The following CACNA1C variants were observed in gnomAD, a reference collection of about 807,000 sequenced individuals.
The protein encoded by CACNA1C is calcium voltage-gated channel subunit alpha1 C.
A neutral mutation model predicts 229.0 loss-of-function variants in CACNA1C; 30 were observed. The ratio of observed to expected loss-of-function variants is 0.13; its 90% CI spans 0.10 to 0.18. The LOEUF (loss-of-function observed/expected upper bound fraction) is 0.18, where lower values mean the gene tolerates loss of function less well. Among genes scored for constraint, CACNA1C ranks in the 10% least tolerant of loss-of-function variants. The pLI is 1.00. For synonymous variants in CACNA1C, 1,114 were observed against 1,132.5 expected (o/e 0.98, Z 0.33); for missense variants, 1,658 against 2,845.0 (o/e 0.58, Z 9.49).
At chr12:2,625,927 C>T (rs1364439763) in intron 29 of CACNA1C, among the ~76,000 whole-genome samples, 1 of 152,118 alleles carries the variant, frequency 6.6e-6, no homozygotes, top group Non-Finnish European at 1.5e-5. Flanking sequence ...CACTGCACTC[C>T]AGCCTGGATG....
At chr12:2,650,524 G>C (rs2094842589) in intron 31 of CACNA1C, among the ~76,000 whole-genome samples, 1 of 152,156 alleles carries the variant, frequency 6.6e-6, no homozygotes, top group Non-Finnish European at 1.5e-5. Context: ...CCGCAGGTCT[G>C]GGTGAGCTGC....
intron 3 of CACNA1C, among the ~76,000 whole-genome samples, chr12:2,369,870 A>G (rs2097813967): frequency 1.3e-5 from 2 of 152,216 alleles, no homozygotes; most frequent in African/African-American, 2.4e-5. Context: ...CACAAAAGAA[A>G]AGACTGAGAT....
At chr12:2,472,487 ATTCTCTATAT>A (rs1333812829) in intron 5 of CACNA1C, among the ~76,000 whole-genome samples, 2 of 152,036 alleles carry the variant, frequency 1.3e-5, no homozygotes, top group South Asian at 2.1e-4. Flanking sequence ...TATTTGTGGA[ATTCTCTATAT>A]TTCTCCCTTT....
At chr12:2,641,693 A>G (rs1296318867) in intron 30 of CACNA1C, 1 of 702,342 alleles carries the variant, frequency 1.4e-6, no homozygotes. Flanking sequence ...TGCCCTTCTA[A>G]TAGATCATTG....
chr12:2,652,452 G>A (rs1022794431), intron 32 of CACNA1C, among the ~76,000 whole-genome samples: 3 of 152,236 alleles, frequency 2.0e-5, no homozygotes, highest in Non-Finnish European at 4.4e-5. Context: ...TCCCCCAGAT[G>A]AGCGCAGAAC....
intron 3 of CACNA1C, among the ~76,000 whole-genome samples, chr12:2,351,366 C>T (rs2097197663): frequency 1.3e-5 from 2 of 152,192 alleles, no homozygotes; most frequent in Admixed American, 6.5e-5. Flanking sequence ...CCCCAGCCTC[C>T]GATGGCCATT....
chr12:2,085,910 G>A (rs952873306), intron 1 of CACNA1C, among the ~76,000 whole-genome samples: 1 of 152,134 alleles, frequency 6.6e-6, no homozygotes, highest in Non-Finnish European at 1.5e-5. Flanking sequence ...CCCAACTGCA[G>A]CATGTAAATT....
chr12:2,125,581 C>G (rs961294017), intron 3 of CACNA1C, among the ~76,000 whole-genome samples: 23 of 152,120 alleles, frequency 1.5e-4, no homozygotes, highest in Non-Finnish European at 3.4e-4. Flanking sequence ...AAGCAGGTGG[C>G]TCTCAACCCC....
At chr12:2,219,886 G>A (rs1476387946) in intron 3 of CACNA1C, among the ~76,000 whole-genome samples, 1 of 152,170 alleles carries the variant, frequency 6.6e-6, no homozygotes. Flanking sequence ...GAGGCCTGGT[G>A]ACCTAGGCAG....
chr12:2,067,484 G>GCA lies in CACNA1C; in HGVS notation c.49+13874_49+13875insAC, dbSNP rs2059789107. On this transcript the variant is annotated intron_variant, in intron 1 of 46. Transcript: ENST00000399655. This position sits in a 1 kb window ranked among gnomAD's most constrained non-coding sequence, Gnocchi z 5.3. ...TGTGTGTGTGTGTGTGTGTGTGTGC[G>GCA]CGCGTGTGCGTGCCTGTATGTAAGG... Among the ~76,000 whole-genome samples, 21 of 147,036 alleles carry GCA rather than the reference G, an allele frequency of 1.4e-4. No individual in the cohort carries two copies. Among genetic ancestry groups the GCA allele is most frequent in the South Asian group, 2.1e-4 (1 of 4,764 alleles).
chr12:2,417,416 TA>T (rs1162901317), intron 3 of CACNA1C, among the ~76,000 whole-genome samples: 1 of 152,186 alleles, frequency 6.6e-6, no homozygotes, highest in African/African-American at 2.4e-5. Flanking sequence ...TGGGTGCTTT[TA>T]AAAACGCTAA....
At chr12:2,669,858 C>G (rs987002334) in intron 38 of CACNA1C, among the ~76,000 whole-genome samples, 1 of 152,196 alleles carries the variant, frequency 6.6e-6, no homozygotes, top group African/African-American at 2.4e-5. Context: ...CTAGTTTTCA[C>G]AAGGCACCCT....
intron 3 of CACNA1C, among the ~76,000 whole-genome samples, chr12:2,428,049 A>G (rs1336260704): frequency 6.6e-6 from 1 of 152,226 alleles, no homozygotes; most frequent in Non-Finnish European, 1.5e-5. Flanking sequence ...CTTTCAAAGG[A>G]AAGACTGTCT....
intron 3 of CACNA1C, among the ~76,000 whole-genome samples, chr12:2,158,598 G>A (rs1322137955): frequency 6.6e-6 from 1 of 152,166 alleles, no homozygotes; most frequent in African/African-American, 2.4e-5. Flanking sequence ...TTTACCCGCA[G>A]CCATGTGGGA....
At chr12:2,179,633 A>G (rs2096772255) in intron 3 of CACNA1C, among the ~76,000 whole-genome samples, 1 of 152,232 alleles carries the variant, frequency 6.6e-6, no homozygotes, top group Non-Finnish European at 1.5e-5. Flanking sequence ...TGAGTCTCAA[A>G]GTTGGAAGAG....
chr12:2,647,547 A>AC lies in CACNA1C; in HGVS notation c.3913-926dup, dbSNP rs2094483575. Reference sequence around the variant, plus strand: ...CGGTCAGGGCTCGCCGCACCTATAGACCAACAGCTAAGCAAGGCCATCTCC... The same window carrying AC: ...CGGTCAGGGCTCGCCGCACCTATAGACCCAACAGCTAAGCAAGGCCATCTCC... On this transcript the variant is annotated intron_variant, in intron 30 of 46. Transcript: ENST00000399655. This position sits in a 1 kb window ranked among gnomAD's most constrained non-coding sequence, Gnocchi z 4.2. Among the ~76,000 whole-genome samples, 1 of 152,204 alleles carries AC rather than the reference A, an allele frequency of 6.6e-6. No individual in the cohort carries two copies. The highest frequency in any genetic ancestry group is 2.1e-4 in the South Asian group (1 of 4,828).
At chr12:2,237,341 A>G (rs1003092519) in intron 3 of CACNA1C, among the ~76,000 whole-genome samples, 2 of 152,256 alleles carry the variant, frequency 1.3e-5, no homozygotes, top group Non-Finnish European at 2.9e-5. Context: ...TTTGGATGAC[A>G]TCAGCGAAGA....
intron 7 of CACNA1C, among the ~76,000 whole-genome samples, chr12:2,502,355 C>T: frequency 6.6e-6 from 1 of 152,274 alleles, no homozygotes; most frequent in East Asian, 1.9e-4. Context: ...CCAGAACCAA[C>T]TGTCCTCGGG....
In CACNA1C at chr12:2,605,539, T is replaced by A; in HGVS notation, c.3049-140T>A. 1.5e-6 allele frequency: 1 copy of A among 688,402 alleles called. No homozygotes were observed. Among genetic ancestry groups the A allele is most frequent in the Non-Finnish European group, 2.6e-6 (1 of 377,528 alleles). 42.6% of individuals were successfully genotyped at this position (688,402 alleles called of 1,614,324 possible). A position where few individuals can be genotyped will look rare whatever the true frequency, so the allele number is the denominator to read the frequency against. ...TCCCATTAGGGTCCATCACTTCCCA[T>A]GTGACTTTGGGAGCGTGGCTTTGCC... On this transcript the variant is annotated intron_variant, in intron 23 of 46. Coordinates refer to ENST00000399655, the MANE Select transcript of CACNA1C (RefSeq NM_000719.7). The surrounding 1 kb of genome is among the most constrained non-coding windows in gnomAD (Gnocchi z 6.2).
Sources: allele counts gnomAD v4.1 joint callset (sites outside exome capture counted in the v4.1 genomes callset), GRCh38; gene constraint gnomAD v4.1.1; non-coding constraint Gnocchi (gnomAD v3.1); transcripts MANE v1.5; gene names NCBI Gene and HGNC (gene_info 2026-07-23, HGNC 2026-07-21).